Variants in ROBO1 observed in about 807,000 individuals in gnomAD.
The protein encoded by ROBO1 is roundabout homolog 1.
ROBO1 carries 149 observed loss-of-function variants against 195.9 expected under a neutral mutation model. The ratio of observed to expected loss-of-function variants is 0.76; its 90% CI spans 0.67 to 0.87. The LOEUF (loss-of-function observed/expected upper bound fraction) is 0.87. Among genes scored for constraint, ROBO1 ranks in the 40% least tolerant of loss-of-function variants. The probability of loss-of-function intolerance (pLI) is 0.00; values close to 1 mark genes in which losing one functional copy is unlikely to be tolerated. For synonymous variants in ROBO1, 816 were observed against 733.2 expected, an observed-to-expected ratio of 1.11 and a Z score of -1.82; for missense variants, 1,933 against 2,068.3, an observed-to-expected ratio of 0.93 and a Z score of 1.27.
chr3:79,698,724 A>G (rs539931068), intron 1 of ROBO1, among the ~76,000 whole-genome samples: 1 of 151,692 alleles, frequency 6.6e-6, no homozygotes, highest in South Asian at 2.1e-4. Flanking sequence ...AATAGAGAGA[A>G]AGTATTGCTG....
intron 2 of ROBO1, among the ~76,000 whole-genome samples, chr3:79,460,218 G>T (rs1461135327): frequency 6.6e-6 from 1 of 152,148 alleles, no homozygotes; most frequent in Non-Finnish European, 1.5e-5. Context: ...ATTGATAAAT[G>T]TAATATATAC....
At chr3:79,075,703 G>A (rs1164688197) in intron 3 of ROBO1, among the ~76,000 whole-genome samples, 8 of 151,858 alleles carry the variant, frequency 5.3e-5, no homozygotes, top group Non-Finnish European at 1.5e-5. Context: ...CCAAAGTCAG[G>A]TCCAGAGGAA....
chr3:79,533,183 C>T, intron 2 of ROBO1: 1 of 303,778 alleles, frequency 3.3e-6, no homozygotes, highest in Non-Finnish European at 6.6e-6. Context: ...ACAGTATAAA[C>T]TCTATGATTT....
chr3:79,054,033 G>A (rs1224304782), intron 3 of ROBO1, among the ~76,000 whole-genome samples: 1 of 151,976 alleles, frequency 6.6e-6, no homozygotes, highest in East Asian at 1.9e-4. Flanking sequence ...TTTAGACTGG[G>A]ACCTTTTGGC....
intron 2 of ROBO1, among the ~76,000 whole-genome samples, chr3:79,233,548 A>T (rs2108858159): frequency 6.6e-6 from 1 of 152,268 alleles, no homozygotes; most frequent in East Asian, 1.9e-4. Context: ...GATCCAATGC[A>T]GAGAAGCCAA....
At chr3:79,089,382 A>G (rs139182386) in intron 3 of ROBO1, among the ~76,000 whole-genome samples, 141 of 152,274 alleles carry the variant, frequency 9.3e-4, no homozygotes, top group African/African-American at 3.2e-3. Context: ...AAACGTCATC[A>G]TTTTTAATAG....
chr3:79,392,618 T>C (rs943934536), intron 2 of ROBO1, among the ~76,000 whole-genome samples: 1 of 152,148 alleles, frequency 6.6e-6, no homozygotes, highest in Non-Finnish European at 1.5e-5. Flanking sequence ...AAAAATACAC[T>C]TGTGCAGCAT....
chr3:78,963,015 C>T (rs1380896134), intron 3 of ROBO1, among the ~76,000 whole-genome samples: 3 of 151,604 alleles, frequency 2.0e-5, no homozygotes. Context: ...AATGCAGGCA[C>T]TCGGTGTTGA....
intron 8 of ROBO1, among the ~76,000 whole-genome samples, chr3:78,702,821 T>C (rs1306584005): frequency 6.6e-6 from 1 of 152,156 alleles, no homozygotes; most frequent in Non-Finnish European, 1.5e-5. Context: ...ACTCAGACCA[T>C]CATGGAAGGC....
intron 2 of ROBO1, among the ~76,000 whole-genome samples, chr3:79,259,514 A>C (rs2108935755): frequency 6.6e-6 from 1 of 152,228 alleles, no homozygotes; most frequent in Non-Finnish European, 1.5e-5. Flanking sequence ...TTGTGCTATC[A>C]AATAGCAGGT....
At chr3:78,876,006 T>C (rs749939268) in intron 4 of ROBO1, among the ~76,000 whole-genome samples, 2 of 151,964 alleles carry the variant, frequency 1.3e-5, no homozygotes, top group Non-Finnish European at 2.9e-5. Context: ...CAATAAAGAA[T>C]GCAGAATTAG....
At chr3:79,323,694 C>T (rs550254611) in intron 2 of ROBO1, among the ~76,000 whole-genome samples, 146 of 152,198 alleles carry the variant, frequency 9.6e-4, no homozygotes, top group African/African-American at 2.6e-3. Flanking sequence ...CCGTATCTTT[C>T]GATATCATAT....
intron 4 of ROBO1, among the ~76,000 whole-genome samples, chr3:78,839,749 T>A (rs1007382054): frequency 6.6e-6 from 1 of 152,156 alleles, no homozygotes; most frequent in Non-Finnish European, 1.5e-5. Context: ...CCACTTCTTT[T>A]CCTGAACCAC....
chr3:78,842,274 T>C (rs1443354956), intron 4 of ROBO1, among the ~76,000 whole-genome samples: 1 of 136,104 alleles, frequency 7.3e-6, no homozygotes, highest in East Asian at 2.0e-4. Flanking sequence ...ATATGAGCCA[T>C]ATATATATTT....
intron 3 of ROBO1, among the ~76,000 whole-genome samples, chr3:79,079,118 G>T (rs2079225195): frequency 1.3e-5 from 2 of 151,656 alleles, no homozygotes; most frequent in South Asian, 2.1e-4. Flanking sequence ...AATGACATTT[G>T]ATCTGGAGAT....
chr3:79,641,065 C>T (rs146595931), intron 1 of ROBO1, among the ~76,000 whole-genome samples: 1 of 151,958 alleles, frequency 6.6e-6, no homozygotes, highest in African/African-American at 2.4e-5. Flanking sequence ...TGTACTTCCT[C>T]CATCATATAT....
At chr3:79,344,343 A>G (rs1236432648) in intron 2 of ROBO1, among the ~76,000 whole-genome samples, 3 of 152,160 alleles carry the variant, frequency 2.0e-5, no homozygotes, top group Non-Finnish European at 4.4e-5. Flanking sequence ...TAGCAGATAC[A>G]GACAAGTGAT....
intron 2 of ROBO1, among the ~76,000 whole-genome samples, chr3:79,228,631 G>A (rs1043922947): frequency 1.3e-5 from 2 of 152,220 alleles, no homozygotes; most frequent in African/African-American, 4.8e-5. Flanking sequence ...AAAATTAGGA[G>A]GGGGCTGAGG....
At chr3:79,010,577 T>C (rs981115443) in intron 3 of ROBO1, among the ~76,000 whole-genome samples, 2 of 152,138 alleles carry the variant, frequency 1.3e-5, no homozygotes, top group African/African-American at 4.8e-5. Flanking sequence ...ACTACATCGA[T>C]CATCATTTAA....
Sources: allele counts gnomAD v4.1 joint callset (sites outside exome capture counted in the v4.1 genomes callset), GRCh38; gene constraint gnomAD v4.1.1; transcripts MANE v1.5; gene names NCBI Gene and HGNC (gene_info 2026-07-23, HGNC 2026-07-21).